CHN2: variants seen among roughly 807,000 people sequenced by gnomAD.
CHN2 encodes chimerin 2, also known as beta-chimaerin.
A neutral mutation model predicts 56.3 loss-of-function variants in CHN2; 35 were observed. The ratio of observed to expected loss-of-function variants is 0.62; its 90% CI spans 0.47 to 0.82. The LOEUF (loss-of-function observed/expected upper bound fraction) is 0.82. Ranked by LOEUF, CHN2 falls within the 40% of genes least tolerant of loss-of-function variation. CHN2 has a pLI of 0.00. For missense variants in CHN2, 491 were observed against 580.5 expected, an observed-to-expected ratio of 0.85 and a Z score of 1.58; for synonymous variants, 210 against 212.8, an observed-to-expected ratio of 0.99 and a Z score of 0.12.
At chr7:29,470,483 A>G (rs1212162051) in intron 6 of CHN2, among the ~76,000 whole-genome samples, 1 of 152,212 alleles carries the variant, frequency 6.6e-6, no homozygotes, top group African/African-American at 2.4e-5. Flanking sequence ...TGAAATTTTG[A>G]AAACCTGTTT....
intron 2 of CHN2, among the ~76,000 whole-genome samples, chr7:29,150,166 C>T (rs547650096): frequency 2.6e-4 from 40 of 152,220 alleles, no homozygotes; most frequent in African/African-American, 9.6e-4. Context: ...TTTGTTAAGC[C>T]CTAGTGGTTC....
chr7:29,431,500 C>T (rs1258883365), intron 6 of CHN2, among the ~76,000 whole-genome samples: 1 of 152,134 alleles, frequency 6.6e-6, no homozygotes, highest in Non-Finnish European at 1.5e-5. Flanking sequence ...TGACTGAGAC[C>T]ATCCTAAGAA....
In CHN2 at chr7:29,480,338, G is replaced by A. The variant is rs769478023; in HGVS notation, c.636G>A (p.Glu212=). The change falls in exon 7 of 13, where the codon GAG becomes GAA. Residue 212 remains glutamate (E), a synonymous_variant. Transcript: ENST00000222792. ...ACAACGACAACCACTTCAATTATGA[G>A]AAGACACACAACTTTAAGGTAAGCA... ...LTHNDNHFNY[E]KTHNFKVHTF... 2 of 1,614,188 alleles carry A rather than the reference G, an allele frequency of 1.2e-6. No individual in the cohort carries two copies. Among genetic ancestry groups the A allele is most frequent in the Non-Finnish European group, 1.7e-6 (2 of 1,180,034 alleles).
intron 6 of CHN2, among the ~76,000 whole-genome samples, chr7:29,460,697 T>C (rs556925386): frequency 5.9e-5 from 9 of 152,298 alleles, no homozygotes; most frequent in African/African-American, 1.9e-4. Flanking sequence ...TCTTTCCAGG[T>C]GTGGCTTCTT....
At chr7:29,468,517 G>A (rs1225884872) in intron 6 of CHN2, among the ~76,000 whole-genome samples, 1 of 152,064 alleles carries the variant, frequency 6.6e-6, no homozygotes, top group Non-Finnish European at 1.5e-5. Flanking sequence ...ATGGACAAGG[G>A]AAATCTCAGT....
At chr7:29,244,626 C>T (rs548794766) in intron 1 of CHN2, among the ~76,000 whole-genome samples, 1 of 152,230 alleles carries the variant, frequency 6.6e-6, no homozygotes, top group African/African-American at 2.4e-5. Context: ...GGTGTACGTG[C>T]GCGCCATATG....
At chr7:29,350,732 T>G (rs532354419) in intron 1 of CHN2, among the ~76,000 whole-genome samples, 1 of 152,262 alleles carries the variant, frequency 6.6e-6, no homozygotes, top group Admixed American at 6.5e-5. Context: ...CAACAACTCA[T>G]TAATGACATT....
chr7:29,441,822 A>T (rs1046259976), intron 6 of CHN2, among the ~76,000 whole-genome samples: 3 of 152,218 alleles, frequency 2.0e-5, no homozygotes, highest in Non-Finnish European at 4.4e-5. Context: ...ACCTTCATAC[A>T]TTGCTGGTGG....
chr7:29,432,016 T>G lies in CHN2; in HGVS notation c.576+31188T>G, dbSNP rs188896957. Among the ~76,000 whole-genome samples, 9 of 152,322 alleles carry G rather than the reference T, an allele frequency of 5.9e-5. No individual in the cohort carries two copies. The East Asian group carries it at 1.7e-3, about 29-fold the overall frequency. On this transcript the variant is annotated intron_variant, in intron 6 of 12. Transcript: ENST00000222792. Reference sequence around the variant, plus strand: ...TCAGGTAGCTTCAACTTCGGTTAAGTGCCCTCCATTTCTGCAGGATTTAGG... The same window carrying G: ...TCAGGTAGCTTCAACTTCGGTTAAGGGCCCTCCATTTCTGCAGGATTTAGG...
intron 1 of CHN2, among the ~76,000 whole-genome samples, chr7:29,243,114 A>C (rs916080022): frequency 1.3e-5 from 2 of 152,204 alleles, no homozygotes; most frequent in African/African-American, 4.8e-5. Flanking sequence ...TAATCTAATC[A>C]GTTAATTACT....
intron 6 of CHN2, among the ~76,000 whole-genome samples, chr7:29,466,642 C>T (rs6952544): frequency 0.38 from 58,372 of 152,008 alleles, 11,412 homozygotes; most frequent in African/African-American, 0.44. Flanking sequence ...TAAGAATTTT[C>T]ATTTCCAATA....
chr7:29,495,857 G>C lies in CHN2; in HGVS notation c.655-95G>C, dbSNP rs150157957. 8.4e-6 allele frequency: 8 copies of C among 947,468 alleles called. No homozygotes were observed. The Admixed American group carries it at 1.7e-4, about 20-fold the overall frequency. 58.7% of individuals were successfully genotyped at this position (947,468 alleles called of 1,614,324 possible). A position where few individuals can be genotyped will look rare whatever the true frequency, so the allele number is the denominator to read the frequency against. ...TTACTGGAAGGAAAAGCCCAGTGGG[G>C]GATCGCTCCTGCTGATCTTCATTGA... On this transcript the variant is annotated intron_variant, in intron 7 of 12. Coordinates refer to ENST00000222792, the MANE Select transcript of CHN2 (RefSeq NM_004067.4).
intron 1 of CHN2, among the ~76,000 whole-genome samples, chr7:29,337,093 T>A (rs1465580074): frequency 1.3e-5 from 2 of 152,186 alleles, no homozygotes; most frequent in African/African-American, 4.8e-5. Context: ...GACTTTGTCA[T>A]CTTTGTGTAC....
chr7:29,307,461 G>A (rs1337309577), intron 1 of CHN2, among the ~76,000 whole-genome samples: 1 of 152,176 alleles, frequency 6.6e-6, no homozygotes, highest in Non-Finnish European at 1.5e-5. Flanking sequence ...CTGTTCTAAT[G>A]TCTGGACCCT....
At chr7:29,279,747 G>C (rs1036558850) in intron 1 of CHN2, among the ~76,000 whole-genome samples, 9 of 152,204 alleles carry the variant, frequency 5.9e-5, no homozygotes, top group Admixed American at 6.5e-5. Flanking sequence ...TTCATGGGGA[G>C]GGGAGTTGTG....
At chr7:29,474,893 A>G (rs1467702914) in intron 6 of CHN2, among the ~76,000 whole-genome samples, 1 of 152,192 alleles carries the variant, frequency 6.6e-6, no homozygotes, top group East Asian at 1.9e-4. Context: ...GGTGGTCCTG[A>G]CTGAAGCCAG....
At chr7:29,497,517 C>G (rs916520003) in intron 8 of CHN2, among the ~76,000 whole-genome samples, 1 of 150,634 alleles carries the variant, frequency 6.6e-6, no homozygotes, top group Admixed American at 6.6e-5. Context: ...AAGACATTTT[C>G]TGAGGCCATA....
At chr7:29,287,008 A>G (rs548522337) in intron 1 of CHN2, among the ~76,000 whole-genome samples, 2 of 152,216 alleles carry the variant, frequency 1.3e-5, no homozygotes, top group South Asian at 2.1e-4. Context: ...TCTAATAACT[A>G]TCTCCCTTCC....
In CHN2 at chr7:29,500,019, A is replaced by C; in HGVS notation, c.892A>C (p.Ile298Leu). The stretch of plus-strand genomic sequence containing the variant: ...GAGACCCATGGTGGTAGACATATGC[A>C]TTCGGGAAATTGAAGCAAGAGGTTT... ...TQRPMVVDIC[I>L]REIEARGLKS... The change falls in exon 9 of 13, where the codon ATT becomes CTT. Residue 298 changes from isoleucine (I) to leucine (L), a missense_variant. By Grantham distance (5) the Ile-to-Leu change is conservative. Coordinates refer to ENST00000222792, the MANE Select transcript of CHN2 (RefSeq NM_004067.4). The C allele has an allele frequency of 6.4e-7, 1 of 1,550,896 alleles. No individual in the cohort carries two copies. The highest frequency in any genetic ancestry group is 8.7e-7 in the Non-Finnish European group (1 of 1,148,102).
Sources: allele counts gnomAD v4.1 joint callset (sites outside exome capture counted in the v4.1 genomes callset), GRCh38; gene constraint gnomAD v4.1.1; transcripts MANE v1.5; gene names NCBI Gene and HGNC (gene_info 2026-07-23, HGNC 2026-07-21).